ZNF516: variants seen among roughly 807,000 people sequenced by gnomAD.
ZNF516 encodes zinc finger protein 516.
Under a neutral mutation model 79.7 loss-of-function variants are expected in ZNF516, and 19 were observed. The ratio of observed to expected loss-of-function variants is 0.24; its 90% confidence interval spans 0.17 to 0.35. The LOEUF (loss-of-function observed/expected upper bound fraction) is 0.35, where lower values mean the gene tolerates loss of function less well. Among genes scored for constraint, ZNF516 ranks in the 10% least tolerant of loss-of-function variants. ZNF516 has a pLI of 1.00. For synonymous variants in ZNF516, 877 were observed against 739.5 expected, an observed-to-expected ratio of 1.19 and a Z score of -3.02; for missense variants, 1,678 against 1,679.5, an observed-to-expected ratio of 1.00 and a Z score of 0.02.
rs1229392288 is a variant in ZNF516 at position 76,360,701 on chromosome 18, C to A, written c.*1797G>T. ...TATAAGCTAGCCAGTTACATTGCATCGTTTGAAAGTGTTGCAAAGTAACCT... is the reference window on the plus strand; with the variant it reads ...TATAAGCTAGCCAGTTACATTGCATAGTTTGAAAGTGTTGCAAAGTAACCT... On this transcript the variant is annotated 3_prime_UTR_variant, in exon 7 of 7. Coordinates refer to ENST00000443185, the MANE Select transcript of ZNF516 (RefSeq NM_014643.4). 1.6e-5 allele frequency: 2 copies of A among 123,294 alleles called. No homozygotes were observed. Among genetic ancestry groups the A allele is most frequent in the South Asian group, 2.6e-4 (1 of 3,810 alleles). The allele number at this position is 123,294 out of a possible 1,614,324, so 7.6% of individuals were successfully genotyped here.
At chr18:76,460,696 C>T (rs561382961) in intron 2 of ZNF516, among the ~76,000 whole-genome samples, 1 of 152,248 alleles carries the variant, frequency 6.6e-6, no homozygotes, top group South Asian at 2.1e-4. Flanking sequence ...CTGTTCAGGG[C>T]TAGAGAGGTT....
intron 1 of ZNF516, among the ~76,000 whole-genome samples, chr18:76,474,842 TG>T (rs1305122203): frequency 1.3e-5 from 2 of 152,164 alleles, no homozygotes. Flanking sequence ...AATCATACAA[TG>T]TTTTTCAAAC....
At chr18:76,410,103 A>G (rs114969404) in intron 3 of ZNF516, among the ~76,000 whole-genome samples, 2,941 of 152,274 alleles carry the variant, frequency 0.019, 87 homozygotes, top group African/African-American at 0.063. Flanking sequence ...CTATGAGTCC[A>G]CTAAGCCTCT....
intron 6 of ZNF516, among the ~76,000 whole-genome samples, chr18:76,367,694 T>G (rs1030874274): frequency 6.6e-6 from 1 of 152,204 alleles, no homozygotes; most frequent in Non-Finnish European, 1.5e-5. Context: ...GCTGCCTTGC[T>G]CTGCCCTACT....
At chr18:76,487,955 G>C in intron 1 of ZNF516, 1 of 985,406 alleles carries the variant, frequency 1.0e-6, no homozygotes, top group South Asian at 4.7e-5. Flanking sequence ...TACACTGTCA[G>C]CTCATGCCAC....
chr18:76,403,841 T>C (rs914962188), intron 3 of ZNF516, among the ~76,000 whole-genome samples: 1 of 152,194 alleles, frequency 6.6e-6, no homozygotes, highest in African/African-American at 2.4e-5. Context: ...AACTAAAAGA[T>C]GCAGCTGCCA....
At position 76,360,136 on chromosome 18, in the gene ZNF516, A is replaced by T. The variant is rs941187906; in HGVS notation, c.*2362T>A. 2.6e-5 allele frequency: 4 copies of T among 152,404 alleles called. No homozygotes were observed. The highest frequency in any genetic ancestry group is 9.7e-5 in the African/African-American group (4 of 41,446). The allele number at this position is 152,404 out of a possible 1,614,324, so 9.4% of individuals were successfully genotyped here. ...AGGAAGGATCCAGCACGCGGCCGGC[A>T]GGGCCCCAGCGCCAGCCCACTCCCC... is the stretch of plus-strand genomic sequence containing the variant. On this transcript the variant is annotated 3_prime_UTR_variant, in exon 7 of 7. Coordinates refer to ENST00000443185, the MANE Select transcript of ZNF516 (RefSeq NM_014643.4).
chr18:76,405,003 A>G (rs1421246402), intron 3 of ZNF516, among the ~76,000 whole-genome samples: 3 of 152,252 alleles, frequency 2.0e-5, no homozygotes, highest in South Asian at 4.1e-4. Flanking sequence ...CAACCCAGGT[A>G]TAAGCAGTAC....
Position 76,441,480 on chromosome 18 carries a change from G to A in ZNF516, c.1575C>T (p.Arg525=), listed in dbSNP as rs1041096995. Residue 525 remains arginine, a synonymous_variant, in exon 3 of 7, where the codon CGC becomes CGT. Transcript: ENST00000443185. The part of the protein sequence containing the change: ...SECFECGKIF[R]TYHQMVLHSR... ...AGTGCAGCACCATCTGATGATAGGTGCGGAAGATCTTGCCGCACTCGAAGC... is the reference window on the plus strand; with the variant it reads ...AGTGCAGCACCATCTGATGATAGGTACGGAAGATCTTGCCGCACTCGAAGC... 1.9e-6 allele frequency: 3 copies of A among 1,602,088 alleles called. No individual in the cohort carries two copies. In the African/African-American group the frequency reaches 4.0e-5, roughly 22 times the overall value.
At chr18:76,385,303 C>G (rs564824534) in intron 3 of ZNF516, among the ~76,000 whole-genome samples, 5 of 152,350 alleles carry the variant, frequency 3.3e-5, no homozygotes, top group African/African-American at 1.2e-4. Flanking sequence ...GTGCCGCACA[C>G]CGCCGACAAG....
intron 3 of ZNF516, among the ~76,000 whole-genome samples, chr18:76,406,719 T>C (rs2075308913): frequency 6.6e-6 from 1 of 152,208 alleles, no homozygotes; most frequent in South Asian, 2.1e-4. Flanking sequence ...CACGTTCCTG[T>C]AGACCTAAGA....
chr18:76,424,166 A>C (rs71361199), intron 3 of ZNF516, among the ~76,000 whole-genome samples: 2 of 66,700 alleles, frequency 3.0e-5, no homozygotes, highest in African/African-American at 1.2e-4. Flanking sequence ...TGAAAAGGTT[A>C]CCCCATGAAA....
At chr18:76,429,782 T>C (rs2075639674) in intron 3 of ZNF516, among the ~76,000 whole-genome samples, 1 of 152,176 alleles carries the variant, frequency 6.6e-6, no homozygotes, top group African/African-American at 2.4e-5. Context: ...TGGAAAATGA[T>C]GCGCCGAGCA....
chr18:76,400,149 G>A (rs1407523195), intron 3 of ZNF516, among the ~76,000 whole-genome samples: 2 of 152,138 alleles, frequency 1.3e-5, no homozygotes, highest in Non-Finnish European at 2.9e-5. Flanking sequence ...CAACTGGAAG[G>A]GGAGACAGAT....
chr18:76,436,099 CGAAG>C (rs1431266730), intron 3 of ZNF516, among the ~76,000 whole-genome samples: 4 of 152,218 alleles, frequency 2.6e-5, no homozygotes, highest in Non-Finnish European at 5.9e-5. Context: ...TGTGGCACGA[CGAAG>C]GAACTGGGCA....
intron 3 of ZNF516, among the ~76,000 whole-genome samples, chr18:76,428,413 A>T (rs1274642749): frequency 6.6e-6 from 1 of 151,442 alleles, no homozygotes; most frequent in Non-Finnish European, 1.5e-5. Context: ...AAAAAAAGAA[A>T]GAAATCCATC....
In ZNF516 at chr18:76,455,490, G is replaced by A. The variant is rs190790832; in HGVS notation, c.-158+7538C>T. ...AAGGATCACTGCCGGCACAGGTGGGGGACTTCAAGGACTCAGGCCCACCTA... is the reference window on the plus strand; with the variant it reads ...AAGGATCACTGCCGGCACAGGTGGGAGACTTCAAGGACTCAGGCCCACCTA... On this transcript the variant is annotated intron_variant, in intron 2 of 6. Coordinates refer to ENST00000443185, the MANE Select transcript of ZNF516 (RefSeq NM_014643.4). Among the ~76,000 whole-genome samples, 28 of 152,300 alleles carry A rather than the reference G, an allele frequency of 1.8e-4. No homozygotes were observed. The East Asian group carries it at 5.4e-3, about 29-fold the overall frequency.
At chr18:76,399,120 G>A (rs759809500) in intron 3 of ZNF516, among the ~76,000 whole-genome samples, 6 of 152,126 alleles carry the variant, frequency 3.9e-5, no homozygotes, top group Non-Finnish European at 5.9e-5. Context: ...GCTATAGCCC[G>A]ACTCCCTCCT....
chr18:76,495,473 TGTA>T (rs1915445814), upstream of ZNF516: 1 of 155,644 alleles, frequency 6.4e-6, no homozygotes, highest in African/African-American at 2.4e-5. Context: ...TGGTCTGCCC[TGTA>T]GGAAACGCAC....
Sources: allele counts gnomAD v4.1 joint callset (sites outside exome capture counted in the v4.1 genomes callset), GRCh38; gene constraint gnomAD v4.1.1; transcripts MANE v1.5; gene names NCBI Gene and HGNC (gene_info 2026-07-23, HGNC 2026-07-21).